Variants in SLC6A2 observed in about 807,000 individuals in gnomAD.
SLC6A2 encodes sodium-dependent noradrenaline transporter.
Under a neutral mutation model 71.7 loss-of-function variants are expected in SLC6A2, and 26 were observed. The observed-to-expected ratio is 0.36, with a 90% CI of 0.27 to 0.50. SLC6A2 has a LOEUF of 0.50. Among genes scored for constraint, SLC6A2 ranks in the 20% least tolerant of loss-of-function variants. SLC6A2 has a pLI of 0.96. For synonymous variants in SLC6A2, 363 were observed against 337.9 expected, an observed-to-expected ratio of 1.07 and a Z score of -0.82; for missense variants, 581 against 803.9, an observed-to-expected ratio of 0.72 and a Z score of 3.35.
chr16:55,673,209 T>C (rs776690215), intron 4 of SLC6A2, among the ~76,000 whole-genome samples: 11 of 152,240 alleles, frequency 7.2e-5, no homozygotes, highest in Non-Finnish European at 1.2e-4. Context: ...ATAATTAAAC[T>C]GTGGTTATGC....
At chr16:55,683,263 T>C (rs1406302105) in intron 4 of SLC6A2, among the ~76,000 whole-genome samples, 1 of 152,160 alleles carries the variant, frequency 6.6e-6, no homozygotes, top group African/African-American at 2.4e-5. Context: ...CATTGTAGAT[T>C]GTACAAGGGA....
intron 3 of SLC6A2, 135 bp from the exon 4 acceptor site, chr16:55,671,803 A>C (rs1192947923): frequency 6.7e-7 from 1 of 1,490,930 alleles, no homozygotes; most frequent in Non-Finnish European, 8.9e-7. Context: ...TGGTGCTGAA[A>C]AGGTTGGGGA....
intron 12 of SLC6A2, 146 bp from the exon 13 acceptor site, chr16:55,699,993 T>C: frequency 1.4e-6 from 1 of 739,428 alleles, no homozygotes; most frequent in South Asian, 1.5e-5. Flanking sequence ...CTTTCTCTTT[T>C]CCACTCCTTC....
At chr16:55,695,525 A>G in intron 8 of SLC6A2, 123 bp downstream of exon 8, 2 of 1,089,338 alleles carry the variant, frequency 1.8e-6, no homozygotes, top group South Asian at 2.6e-5. Context: ...GAGGTGTCCA[A>G]ACCACCCATG....
chr16:55,698,500 C>T lies in SLC6A2; in HGVS notation c.1421C>T (p.Thr474Ile). 2 of 1,614,128 alleles carry T rather than the reference C, an allele frequency of 1.2e-6. No homozygotes were observed. The highest frequency in any genetic ancestry group is 1.7e-6 in the Non-Finnish European group (2 of 1,179,994). ...ATTTACGTCTTGACCCTCCTGGACA[C>T]CTTTGCTGCGGGCACCTCCATCCTT... ...GGIYVLTLLDTFAAGTSILFA... is the reference protein window; with the variant it reads ...GGIYVLTLLDIFAAGTSILFA... Residue 474 changes from threonine (T) to isoleucine (I), a missense_variant, in exon 11 of 15, where the codon ACC becomes ATC. By Grantham distance (89) the Thr-to-Ile change is moderately conservative (BLOSUM62 -1). Around this residue, in one of 5 missense-constraint regions of SLC6A2, gnomAD observed 334 missense variants for 449.0 expected, o/e 0.74. Transcript: ENST00000568943.
chr16:55,673,002 A>G (rs1486849383), intron 4 of SLC6A2, among the ~76,000 whole-genome samples: 1 of 152,206 alleles, frequency 6.6e-6, no homozygotes, highest in Admixed American at 6.5e-5. Context: ...ACATTGATAC[A>G]CTGTTAGCTA....
chr16:55,699,574 G>A lies in SLC6A2; in HGVS notation c.1510G>A (p.Asp504Asn), dbSNP rs1965906450. The A allele has an allele frequency of 3.7e-6, 6 of 1,613,952 alleles. No individual in the cohort carries two copies. Among genetic ancestry groups the A allele is most frequent in the African/African-American group, 1.3e-5 (1 of 74,934 alleles). ...WFYGVDRFSN[D>N]IQQMMGFRPG... ...CACAGGAGTGGACAGGTTCAGCAAC[G>A]ACATCCAGCAGATGATGGGGTTCAG... The change falls in exon 12 of 15, where the codon GAC (aspartate) becomes AAC (asparagine). Residue 504 changes from aspartate to asparagine, a missense_variant. Coordinates refer to ENST00000568943, the MANE Select transcript of SLC6A2 (RefSeq NM_001172501.3).
Position 55,696,336 on chromosome 16 carries a change from C to T in SLC6A2, c.1259C>T (p.Ser420Leu), listed in dbSNP as rs1165245213. The change falls in exon 9 of 15, where the codon TCA becomes TTA. Residue 420 changes from serine (S) to leucine (L), a missense_variant and splice_region_variant. Physicochemically the swap from Ser to Leu is moderately radical, Grantham distance 145. Coordinates refer to ENST00000568943, the MANE Select transcript of SLC6A2 (RefSeq NM_001172501.3). ...CTCCTGGCGCTGGGCCTTGACAGCT[C>T]AGTGAGTGACCCTGCTTAGGATACC... Reference protein sequence around the residue: ...VMLLALGLDSSMGGMEAVITG... With the variant: ...VMLLALGLDSLMGGMEAVITG... 6.4e-7 allele frequency: 1 copy of T among 1,574,654 alleles called. No individual in the cohort carries two copies. Among genetic ancestry groups the T allele is most frequent in the Non-Finnish European group, 8.7e-7 (1 of 1,144,878 alleles).
At chr16:55,688,517 C>T (rs984948618) in intron 5 of SLC6A2, among the ~76,000 whole-genome samples, 11 of 152,140 alleles carry the variant, frequency 7.2e-5, no homozygotes, top group African/African-American at 1.4e-4. Flanking sequence ...TGGTAAAGTG[C>T]AGACATTTAT....
At chr16:55,702,208 T>G in intron 14 of SLC6A2, 115 bp from the exon 15 acceptor site, 6 of 1,038,778 alleles carry the variant, frequency 5.8e-6, no homozygotes. Flanking sequence ...CTGAGGTCCG[T>G]GAAGGAAGGG....
At chr16:55,694,169 T>C (rs28613651) in intron 7 of SLC6A2, 56 bp downstream of exon 7, 2 of 1,259,664 alleles carry the variant, frequency 1.6e-6, no homozygotes, top group Non-Finnish European at 2.3e-6. Context: ...TGACTCTTGT[T>C]GGGTGGCAGA....
At chr16:55,687,209 A>C (rs1353562364) in intron 5 of SLC6A2, among the ~76,000 whole-genome samples, 1 of 192 alleles carries the variant, frequency 5.2e-3, no homozygotes, top group Non-Finnish European at 0.019. Context: ...TACACTTTTC[A>C]AAAATGAAAA....
chr16:55,698,674 A>G (rs1347775369), intron 11 of SLC6A2, 106 bp downstream of exon 11: 1 of 789,976 alleles, frequency 1.3e-6, no homozygotes, highest in Non-Finnish European at 2.2e-6. Context: ...CTAAAATTCC[A>G]GAGTCCAGCA....
intron 5 of SLC6A2, among the ~76,000 whole-genome samples, chr16:55,685,554 C>T (rs1965425841): frequency 6.6e-6 from 1 of 152,130 alleles, no homozygotes; most frequent in South Asian, 2.1e-4. Flanking sequence ...TCCCTAATAG[C>T]AGAGACCAGG....
chr16:55,659,028 G>T (rs954832184), intron 2 of SLC6A2, among the ~76,000 whole-genome samples: 1 of 152,104 alleles, frequency 6.6e-6, no homozygotes. Context: ...CCGCCATCCC[G>T]CCTGTCCTCA....
intron 5 of SLC6A2, among the ~76,000 whole-genome samples, chr16:55,686,102 G>T (rs1386504406): frequency 6.6e-6 from 1 of 152,160 alleles, no homozygotes; most frequent in East Asian, 1.9e-4. Flanking sequence ...AAAATGTAGT[G>T]ACTCAAAATA....
At chr16:55,695,163 G>A in intron 7 of SLC6A2, 115 bp from the exon 8 acceptor site, 1 of 1,234,592 alleles carries the variant, frequency 8.1e-7, no homozygotes, top group South Asian at 1.2e-5. Context: ...AGCCACTGAA[G>A]GGGGGATGGC....
At chr16:55,688,478 G>A (rs3785155) in intron 5 of SLC6A2, among the ~76,000 whole-genome samples, 21,541 of 152,166 alleles carry the variant, frequency 0.14, 1,671 homozygotes, top group African/African-American at 0.2. Flanking sequence ...TTCTAAATCA[G>A]TAAAGGGTAA....
At position 55,704,632 on chromosome 16, in the gene SLC6A2, G is replaced by A. The variant is rs1966063701; in HGVS notation, c.*2286G>A. 6.6e-6 allele frequency: 1 copy of A among 152,258 alleles called. No individual in the cohort carries two copies. Among genetic ancestry groups the A allele is most frequent in the Non-Finnish European group, 1.5e-5 (1 of 68,066 alleles). The allele number at this position is 152,258 out of a possible 1,614,324, so 9.4% of individuals were successfully genotyped here. On this transcript the variant is annotated 3_prime_UTR_variant, in exon 15 of 15. Coordinates refer to ENST00000568943, the MANE Select transcript of SLC6A2 (RefSeq NM_001172501.3). The stretch of plus-strand genomic sequence containing the variant: ...GGATGTGAAAAGCTGAGTCTACTTG[G>A]TTGAAATGAGAGCAAACAGTCAGCA...
Sources: gnomAD v4.1 joint callset for allele counts (sites outside exome capture counted in the v4.1 genomes callset) on GRCh38, gnomAD v4.1.1 for gene constraint, gnomAD v4.1.1 regional missense constraint, MANE v1.5 for transcripts, NCBI Gene and HGNC (gene_info 2026-07-23, HGNC 2026-07-21) for gene names.